Variants in NBEA observed in about 807,000 individuals in gnomAD.
NBEA encodes neurobeachin, also known as lysosomal-trafficking regulator 2.
Under a neutral mutation model 343.4 loss-of-function variants are expected in NBEA, and 44 were observed. The ratio of observed to expected loss-of-function variants is 0.13; its 90% CI spans 0.10 to 0.16. The LOEUF (loss-of-function observed/expected upper bound fraction) is 0.16. Among genes scored for constraint, NBEA ranks in the 10% least tolerant of loss-of-function variants. The pLI is 1.00. For synonymous variants in NBEA, 1,175 were observed against 1,238.7 expected, an observed-to-expected ratio of 0.95 and a Z score of 1.08; for missense variants, 2,555 against 3,631.3, an observed-to-expected ratio of 0.70 and a Z score of 7.62.
At chr13:35,499,401 C>A (rs2076802151) in intron 41 of NBEA, among the ~76,000 whole-genome samples, 1 of 152,094 alleles carries the variant, frequency 6.6e-6, no homozygotes, top group Non-Finnish European at 1.5e-5. Context: ...AGCTGCCACT[C>A]TTTGGCTTGG....
At chr13:35,228,242 G>A (rs2074771623) in intron 33 of NBEA, among the ~76,000 whole-genome samples, 1 of 151,946 alleles carries the variant, frequency 6.6e-6, no homozygotes, top group Admixed American at 6.6e-5. Flanking sequence ...TCCAATCATT[G>A]GAGCTATAGA....
At chr13:35,235,899 T>G (rs1463304965) in intron 34 of NBEA, among the ~76,000 whole-genome samples, 1 of 152,164 alleles carries the variant, frequency 6.6e-6, no homozygotes, top group Non-Finnish European at 1.5e-5. Flanking sequence ...AATGTAACTA[T>G]GCTAGAAATG....
intron 8 of NBEA, among the ~76,000 whole-genome samples, chr13:35,064,479 A>G (rs1177141781): frequency 3.3e-5 from 5 of 152,092 alleles, no homozygotes; most frequent in African/African-American, 4.8e-5. Flanking sequence ...AACAATATCA[A>G]TAATGCCCAA....
intron 49 of NBEA, among the ~76,000 whole-genome samples, chr13:35,635,120 G>A (rs2083640557): frequency 2.0e-5 from 3 of 152,040 alleles, no homozygotes; most frequent in Admixed American, 2.0e-4. Flanking sequence ...GGTAATTTAA[G>A]GGCCCATAAT....
chr13:35,657,932 T>A (rs2084897293), intron 55 of NBEA, among the ~76,000 whole-genome samples: 1 of 152,072 alleles, frequency 6.6e-6, no homozygotes, highest in Non-Finnish European at 1.5e-5. Flanking sequence ...GTAAAGAATA[T>A]TAAAGAAAAA....
chr13:35,113,758 C>T (rs2066353573), intron 13 of NBEA, among the ~76,000 whole-genome samples: 1 of 152,148 alleles, frequency 6.6e-6, no homozygotes, highest in African/African-American at 2.4e-5. Flanking sequence ...GTCTCTGTTG[C>T]ACATAGTCAG....
At chr13:35,134,799 A>T (rs993385853) in intron 17 of NBEA, among the ~76,000 whole-genome samples, 6 of 151,982 alleles carry the variant, frequency 3.9e-5, no homozygotes, top group Admixed American at 6.6e-5. Flanking sequence ...TACAAAGCTG[A>T]TGTTTTTAAG....
chr13:35,155,430 C>T (rs1469322215), intron 18 of NBEA, among the ~76,000 whole-genome samples: 1 of 152,014 alleles, frequency 6.6e-6, no homozygotes, highest in Non-Finnish European at 1.5e-5. Flanking sequence ...TCGAGACCAG[C>T]CTGATCAATA....
At chr13:35,660,162 G>A (rs188866484) in intron 55 of NBEA, among the ~76,000 whole-genome samples, 3 of 152,194 alleles carry the variant, frequency 2.0e-5, no homozygotes, top group East Asian at 1.9e-4. Flanking sequence ...TTCTCATTAC[G>A]TGCTGTAGCT....
chr13:35,550,515 G>A lies in NBEA; in HGVS notation c.6624G>A (p.Met2208Ile). The change falls in exon 42 of 59, where the codon ATG becomes ATA. Residue 2208 changes from methionine to isoleucine, a missense_variant. This residue lies in a region of NBEA where 246 missense variants were observed against 313.7 expected (regional missense o/e 0.78). Transcript: ENST00000379939. ...AYTEGLHGKWMFSEIRAVFSR... is the reference protein window; with the variant it reads ...AYTEGLHGKWIFSEIRAVFSR... ...CTGAGGGACTTCACGGAAAATGGAT[G>A]TTCAGCGAGATACGAGCTGTATTTT... is the stretch of plus-strand genomic sequence containing the variant. 6.2e-7 allele frequency: 1 copy of A among 1,613,170 alleles called. No individual in the cohort carries two copies. Among genetic ancestry groups the A allele is most frequent in the East Asian group, 2.2e-5 (1 of 44,824 alleles).
At chr13:35,224,648 A>T (rs960398632) in intron 33 of NBEA, among the ~76,000 whole-genome samples, 1 of 151,956 alleles carries the variant, frequency 6.6e-6, no homozygotes. Flanking sequence ...CCATCTGTTT[A>T]TGTATGTTGT....
intron 48 of NBEA, among the ~76,000 whole-genome samples, chr13:35,622,891 G>A (rs73503139): frequency 0.034 from 5,155 of 151,740 alleles, 315 homozygotes; most frequent in African/African-American, 0.12. Context: ...CATAAATTTC[G>A]GAGAAGCTTT....
intron 22 of NBEA, among the ~76,000 whole-genome samples, chr13:35,160,554 A>G (rs1413975276): frequency 6.6e-6 from 1 of 152,176 alleles, no homozygotes; most frequent in Non-Finnish European, 1.5e-5. Flanking sequence ...GCACTGTGCT[A>G]TATGTTTTCA....
intron 39 of NBEA, among the ~76,000 whole-genome samples, chr13:35,434,088 C>CT (rs957551087): frequency 2.6e-5 from 4 of 151,858 alleles, no homozygotes; most frequent in African/African-American, 7.2e-5. Flanking sequence ...TTAAGCAAGG[C>CT]TTTTTTTAGA....
intron 31 of NBEA, among the ~76,000 whole-genome samples, chr13:35,201,352 T>C (rs944199218): frequency 6.6e-6 from 1 of 152,030 alleles, no homozygotes; most frequent in African/African-American, 2.4e-5. Context: ...CTTAAACATA[T>C]TTTTTTATAT....
chr13:35,513,837 T>TA (rs531669321), intron 41 of NBEA, among the ~76,000 whole-genome samples: 40 of 152,182 alleles, frequency 2.6e-4, no homozygotes, highest in African/African-American at 8.9e-4. Flanking sequence ...GCTACTTTTT[T>TA]AAAAAAACCT....
At chr13:35,426,600 T>C (rs980351905) in intron 38 of NBEA, among the ~76,000 whole-genome samples, 4 of 152,198 alleles carry the variant, frequency 2.6e-5, no homozygotes, top group Non-Finnish European at 5.9e-5. Context: ...ATTTCAACTT[T>C]GGTGAATCTG....
chr13:35,188,589 G>C (rs2071911689), intron 30 of NBEA, among the ~76,000 whole-genome samples: 1 of 152,084 alleles, frequency 6.6e-6, no homozygotes, highest in African/African-American at 2.4e-5. Flanking sequence ...TGGGTGAATA[G>C]TGTTCCATTG....
rs1322084842 is a variant in NBEA at position 35,196,187 on chromosome 13, G to C, written c.5251G>C (p.Val1751Leu). 1 of 1,613,562 alleles carries C rather than the reference G, an allele frequency of 6.2e-7. No individual in the cohort carries two copies. Among genetic ancestry groups the C allele is most frequent in the Non-Finnish European group, 8.5e-7 (1 of 1,179,758 alleles). Residue 1751 changes from valine to leucine, a missense_variant, in exon 31 of 59, where the codon GTG (valine) becomes CTG (leucine). By Grantham distance (32) the Val-to-Leu change is conservative. Coordinates refer to ENST00000379939, the MANE Select transcript of NBEA (RefSeq NM_001385012.1). ...TGTGAAGGAAATACTGAAAAGTCTT[G>C]TGGCTGCTCCAGTTGAAATAGCAGA... ...INVKEILKSL[V>L]AAPVEIAECG...
Sources: allele counts gnomAD v4.1 joint callset (sites outside exome capture counted in the v4.1 genomes callset), GRCh38; gene constraint gnomAD v4.1.1; regional missense constraint gnomAD v4.1.1; transcripts MANE v1.5; gene names NCBI Gene and HGNC (gene_info 2026-07-23, HGNC 2026-07-21).